The following PCDHA7 variants were observed in gnomAD, a reference collection of about 807,000 sequenced individuals.
The protein encoded by PCDHA7 is protocadherin alpha 7, also known as protocadherin alpha-7.
Under a neutral mutation model 57.2 loss-of-function variants are expected in PCDHA7, and 37 were observed. The observed-to-expected ratio is 0.65, with a 90% CI of 0.50 to 0.85. The LOEUF is 0.85. PCDHA7 is among the 40% of genes least tolerant of loss of function. The probability of loss-of-function intolerance (pLI) is 0.00; values close to 1 mark genes in which losing one functional copy is unlikely to be tolerated. For missense variants in PCDHA7, 1,188 were observed against 1,241.8 expected (o/e 0.96, Z 0.65); for synonymous variants, 553 against 558.8 (o/e 0.99, Z 0.15).
At chr5:140,871,294 T>C in intron 1 of PCDHA7, 1 of 1,613,852 alleles carries the variant, frequency 6.2e-7, no homozygotes, top group Non-Finnish European at 8.5e-7. Context: ...TGAGGGCGCG[T>C]GCGCGCCGGG....
chr5:140,871,506 A>G, intron 1 of PCDHA7: 11 of 1,580,864 alleles, frequency 7.0e-6, no homozygotes, highest in Non-Finnish European at 8.6e-6. Flanking sequence ...TGAGTTTTCT[A>G]CAGATTCCAC....
chr5:140,836,325 C>G lies in PCDHA7; in HGVS notation c.1942C>G (p.Leu648Val). The G allele has an allele frequency of 1.1e-5, 18 of 1,613,750 alleles. No individual in the cohort carries two copies. Among genetic ancestry groups the G allele is most frequent in the Non-Finnish European group, 1.4e-5 (17 of 1,179,836 alleles). ...GACGGACGCACCGCGCCACCGCCTT[C>G]TGGTGCTTGTGAAGGACCACGGGGA... ...DETDAPRHRL[L>V]VLVKDHGEPS... Residue 648 changes from leucine to valine, a missense_variant, in exon 1 of 4, where the codon CTG (leucine) becomes GTG (valine). Leu to Val is a conservative substitution (Grantham distance 32, BLOSUM62 1). This residue lies in a region of PCDHA7 where 892 missense variants were observed against 788.5 expected (regional missense o/e 1.13). Coordinates refer to ENST00000525929, the MANE Select transcript of PCDHA7 (RefSeq NM_018910.3).
At chr5:140,863,307 C>G in intron 1 of PCDHA7, 1 of 1,462,496 alleles carries the variant, frequency 6.8e-7, no homozygotes. Context: ...TCGCCATCTG[C>G]GTGGTGTCCA....
Position 140,969,193 on chromosome 5 carries a change from C to T in PCDHA7, c.2356-9756C>T, listed in dbSNP as rs1232655466. The T allele has an allele frequency of 8.1e-6, 13 of 1,614,002 alleles. No homozygotes were observed. In the African/African-American group the frequency reaches 1.2e-4, roughly 15 times the overall value. ...CAGGGAGTGACACTTTCATGTTTTA[C>T]AATACAGGGGCCCAGACAGGACCAG... is the stretch of plus-strand genomic sequence containing the variant. On this transcript the variant is annotated intron_variant, in intron 1 of 3. Transcript: ENST00000525929.
rs2150222436 is a variant in PCDHA7 at position 140,834,595 on chromosome 5, G to C, written c.212G>C (p.Arg71Pro). 5 of 1,614,156 alleles carry C rather than the reference G, an allele frequency of 3.1e-6. No homozygotes were observed. The highest frequency in any genetic ancestry group is 2.2e-5 in the East Asian group (1 of 44,888). Residue 71 changes from arginine (R) to proline (P), a missense_variant, in exon 1 of 4, where the codon CGT becomes CCT. By Grantham distance (103) the Arg-to-Pro change is moderately radical (BLOSUM62 -2). This residue lies in a region of PCDHA7 where 194 missense variants were observed against 185.8 expected (regional missense o/e 1.04). Transcript: ENST00000525929. Reference protein sequence around the residue: ...PRLFRAVCKFRGDLLEVNLQN... With the variant: ...PRLFRAVCKFPGDLLEVNLQN... The stretch of plus-strand genomic sequence containing the variant: ...CTGTTCCGGGCGGTGTGCAAATTCC[G>C]TGGGGATCTTCTGGAGGTAAATCTG...
Position 141,009,653 on chromosome 5 carries a change from C to T in PCDHA7, c.2530C>T (p.Pro844Ser). ...ACCAGAGGCAGGAGAAGTGTCCCCTCCAGTCGGTGCGGGTGTCAACAGCAA... is the reference window on the plus strand; with the variant it reads ...ACCAGAGGCAGGAGAAGTGTCCCCTTCAGTCGGTGCGGGTGTCAACAGCAA... The part of the protein sequence containing the change: ...PEPEAGEVSP[P>S]VGAGVNSNSW... The change falls in exon 4 of 4, where the codon CCA becomes TCA. Residue 844 changes from proline (P) to serine (S), a missense_variant. Physicochemically the swap from Pro to Ser is moderately conservative, Grantham distance 74. Transcript: ENST00000525929. 1 of 1,613,998 alleles carries T rather than the reference C, an allele frequency of 6.2e-7. No individual in the cohort carries two copies. The highest frequency in any genetic ancestry group is 8.5e-7 in the Non-Finnish European group (1 of 1,179,950).
At chr5:140,948,942 T>TA (rs34363674) in intron 1 of PCDHA7, among the ~76,000 whole-genome samples, 48,005 of 151,444 alleles carry the variant, frequency 0.32, 7,947 homozygotes, top group East Asian at 0.53. Flanking sequence ...TCTTCTAATA[T>TA]AAAAAAATTA....
At position 140,848,667 on chromosome 5, in the gene PCDHA7, G is replaced by C; in HGVS notation, c.2355+11929G>C. 6.3e-7 allele frequency: 1 copy of C among 1,592,344 alleles called. No homozygotes were observed. On this transcript the variant is annotated intron_variant, in intron 1 of 3. Transcript: ENST00000525929. ...GCAGGACCTGGGGCTGGAGCTGGCG[G>C]AGCTGGTGCCGCGCCTGTTCCAGTT...
chr5:140,882,930 A>C, intron 1 of PCDHA7: 8 of 1,614,214 alleles, frequency 5.0e-6, no homozygotes, highest in Non-Finnish European at 6.8e-6. Context: ...GGTAAACCCG[A>C]GCTGACTGGC....
intron 1 of PCDHA7, among the ~76,000 whole-genome samples, chr5:140,954,551 T>C (rs2095055563): frequency 6.6e-6 from 1 of 152,250 alleles, no homozygotes; most frequent in South Asian, 2.1e-4. Context: ...ATATGTTTGT[T>C]GGCTGCATGA....
intron 1 of PCDHA7, chr5:140,870,490 G>T: frequency 1.2e-6 from 2 of 1,614,234 alleles, no homozygotes; most frequent in Non-Finnish European, 8.5e-7. Flanking sequence ...CACCGTGTTC[G>T]TGAAGGAGAA....
chr5:140,875,360 GA>G, intron 1 of PCDHA7: 1 of 1,447,846 alleles, frequency 6.9e-7, no homozygotes, highest in Non-Finnish European at 9.1e-7. Context: ...TGTGATGCTG[GA>G]AAAAATTTAC....
chr5:140,899,969 A>G (rs2067649868), intron 1 of PCDHA7, among the ~76,000 whole-genome samples: 1 of 151,820 alleles, frequency 6.6e-6, no homozygotes, highest in African/African-American at 2.4e-5. Flanking sequence ...TGCCATGCCC[A>G]GCTACTTTTT....
Position 140,910,016 on chromosome 5 carries a change from G to C in PCDHA7, c.2356-68933G>C, listed in dbSNP as rs375687025. Among the ~76,000 whole-genome samples the C allele has an allele frequency of 3.5e-4, 54 of 152,290 alleles. No individual in the cohort carries two copies. The South Asian group carries it at 0.011, about 32-fold the overall frequency. ...ATAAATTGTTGTCAGTGTCATCCTT[G>C]TATCCCTGGGATAAATCCCACTTGG... On this transcript the variant is annotated intron_variant, in intron 1 of 3. Coordinates refer to ENST00000525929, the MANE Select transcript of PCDHA7 (RefSeq NM_018910.3).
intron 1 of PCDHA7, chr5:140,871,297 G>A (rs781824958): frequency 5.6e-6 from 9 of 1,613,778 alleles, no homozygotes; most frequent in African/African-American, 5.3e-5. Context: ...GGGCGCGTGC[G>A]CGCCGGGGAA....
At chr5:140,983,092 T>C (rs782172308) in intron 3 of PCDHA7, among the ~76,000 whole-genome samples, 4 of 152,178 alleles carry the variant, frequency 2.6e-5, no homozygotes, top group Non-Finnish European at 5.9e-5. Flanking sequence ...TCAAAGTCAA[T>C]CTGCTTCTCT....
At chr5:140,967,489 A>G in intron 1 of PCDHA7, 4 of 1,613,456 alleles carry the variant, frequency 2.5e-6, no homozygotes, top group Non-Finnish European at 3.4e-6. Flanking sequence ...CGGGTACGGC[A>G]CAGATCTCTG....
At chr5:140,951,289 T>C (rs546786558) in intron 1 of PCDHA7, among the ~76,000 whole-genome samples, 12 of 152,232 alleles carry the variant, frequency 7.9e-5, no homozygotes, top group Non-Finnish European at 1.3e-4. Context: ...TTTTGGATTA[T>C]ATCTTGATAT....
At chr5:140,841,346 C>G (rs1777168943) in intron 1 of PCDHA7, 1 of 1,612,554 alleles carries the variant, frequency 6.2e-7, no homozygotes, top group Non-Finnish European at 8.5e-7. Context: ...GCGAGGAGAG[C>G]TGGGATCCTG....
Sources: gnomAD v4.1 joint callset for allele counts (sites outside exome capture counted in the v4.1 genomes callset) on GRCh38, gnomAD v4.1.1 for gene constraint, gnomAD v4.1.1 regional missense constraint, MANE v1.5 for transcripts, NCBI Gene and HGNC (gene_info 2026-07-23, HGNC 2026-07-21) for gene names.